The following CCSER1 variants were observed in gnomAD, a reference collection of about 807,000 sequenced individuals.
CCSER1 encodes the protein serine-rich coiled-coil domain-containing protein 1.
CCSER1 carries 41 observed loss-of-function variants against 82.0 expected under a neutral mutation model. That is an observed-to-expected ratio of 0.50 (90% CI 0.39 to 0.65). The LOEUF (loss-of-function observed/expected upper bound fraction) is 0.65, where lower values mean the gene tolerates loss of function less well. Ranked by LOEUF, CCSER1 falls within the 30% of genes least tolerant of loss-of-function variation. The probability of loss-of-function intolerance (pLI) is 0.00; values close to 1 mark genes in which losing one functional copy is unlikely to be tolerated. For synonymous variants in CCSER1, 414 were observed against 383.9 expected (o/e 1.08, Z -0.92); for missense variants, 1,119 against 1,064.2 (o/e 1.05, Z -0.72).
intron 6 of CCSER1, chr4:90,664,020 G>A (rs541646394): frequency 6.0e-6 from 1 of 167,036 alleles, no homozygotes; most frequent in South Asian, 1.2e-4. Flanking sequence ...TCTCTATTTA[G>A]TTAATAAGAA....
chr4:90,979,180 A>G (rs1735879385), intron 9 of CCSER1, among the ~76,000 whole-genome samples: 1 of 151,366 alleles, frequency 6.6e-6, no homozygotes, highest in African/African-American at 2.4e-5. Flanking sequence ...AGGTGTGTAT[A>G]TATGTATGTA....
chr4:91,588,252 GA>G lies in CCSER1; in HGVS notation c.2218-10312del, dbSNP rs543317863. Among the ~76,000 whole-genome samples the G allele has an allele frequency of 2.8e-3, 414 of 150,244 alleles. 1 individual carries two copies. The highest frequency in any genetic ancestry group is 9.6e-3 in the African/African-American group (394 of 41,134). The stretch of plus-strand genomic sequence containing the variant: ...CTTTGATAAAGCAGCTTTTCAAAAA[GA>G]AAAAAAATAGCCTTAGATTTTTTTT... On this transcript the variant is annotated intron_variant, in intron 10 of 10. Coordinates refer to ENST00000509176, the MANE Select transcript of CCSER1 (RefSeq NM_001145065.2).
intron 5 of CCSER1, among the ~76,000 whole-genome samples, chr4:90,554,241 G>A (rs1777860372): frequency 6.6e-6 from 1 of 152,140 alleles, no homozygotes; most frequent in African/African-American, 2.4e-5. Flanking sequence ...GTATATGCAT[G>A]TTGTCCTAGC....
chr4:91,138,767 G>A lies in CCSER1; in HGVS notation c.2217+52773G>A, dbSNP rs886858842. Among the ~76,000 whole-genome samples, 16 of 148,666 alleles carry A rather than the reference G, an allele frequency of 1.1e-4. 1 individual carries two copies. The East Asian group carries it at 2.2e-3, about 20-fold the overall frequency. ...AAAAAACAAACAACCCCATCAAAAAGTGGGCGAAGGACATGAACAGACACT... is the reference window on the plus strand; with the variant it reads ...AAAAAACAAACAACCCCATCAAAAAATGGGCGAAGGACATGAACAGACACT... On this transcript the variant is annotated intron_variant, in intron 10 of 10. Coordinates refer to ENST00000509176, the MANE Select transcript of CCSER1 (RefSeq NM_001145065.2).
At chr4:90,946,288 A>G (rs989835201) in intron 9 of CCSER1, among the ~76,000 whole-genome samples, 1 of 152,168 alleles carries the variant, frequency 6.6e-6, no homozygotes, top group Non-Finnish European at 1.5e-5. Context: ...TGACTTATGT[A>G]ATCTTAAAAA....
rs536260173 is a variant in CCSER1, at chr4:90,971,369, C to A, written c.2172+47922C>A. The stretch of plus-strand genomic sequence containing the variant: ...CAACCAGATCTCTTGAGAACTCACT[C>A]ACTATCACAAGAATAGCAAGGGAGA... On this transcript the variant is annotated intron_variant, in intron 9 of 10. Coordinates refer to ENST00000509176, the MANE Select transcript of CCSER1 (RefSeq NM_001145065.2). 2.6e-4 allele frequency among the ~76,000 whole-genome samples: 39 copies of A among 152,040 alleles called. No individual in the cohort carries two copies. In the South Asian group the frequency reaches 7.7e-3, roughly 30 times the overall value.
intron 6 of CCSER1, among the ~76,000 whole-genome samples, chr4:90,646,298 C>T (rs541542517): frequency 2.0e-4 from 31 of 151,950 alleles, no homozygotes; most frequent in Admixed American, 3.9e-4. Flanking sequence ...AAAGTGATAC[C>T]AGGATGCCTG....
At chr4:91,504,248 G>A (rs184893262) in intron 10 of CCSER1, among the ~76,000 whole-genome samples, 1 of 151,016 alleles carries the variant, frequency 6.6e-6, no homozygotes, top group African/African-American at 2.5e-5. Context: ...AGAGTCAAAA[G>A]AATTGTTGTA....
intron 8 of CCSER1, among the ~76,000 whole-genome samples, chr4:90,918,072 A>G (rs940980268): frequency 2.0e-5 from 3 of 152,048 alleles, no homozygotes; most frequent in Non-Finnish European, 4.4e-5. Flanking sequence ...CAAATTTTGG[A>G]TAGCAACCAA....
intron 9 of CCSER1, among the ~76,000 whole-genome samples, chr4:91,071,483 T>C (rs1464049274): frequency 6.6e-6 from 1 of 152,090 alleles, no homozygotes; most frequent in Non-Finnish European, 1.5e-5. Flanking sequence ...CAAAGGCCTA[T>C]GGTGGAAGAA....
intron 9 of CCSER1, among the ~76,000 whole-genome samples, chr4:90,959,338 T>C (rs973178038): frequency 1.4e-4 from 21 of 152,318 alleles, no homozygotes; most frequent in African/African-American, 4.6e-4. Context: ...TTCTATTTCT[T>C]GGCCACCTAC....
chr4:91,163,004 C>A (rs962951498), intron 10 of CCSER1, among the ~76,000 whole-genome samples: 3 of 152,144 alleles, frequency 2.0e-5, no homozygotes, highest in African/African-American at 4.8e-5. Context: ...TGCCTCTCTA[C>A]TTCTTTTTAT....
intron 5 of CCSER1, among the ~76,000 whole-genome samples, chr4:90,580,404 G>A (rs1463796447): frequency 1.3e-5 from 2 of 152,148 alleles, no homozygotes; most frequent in African/African-American, 4.8e-5. Context: ...TTTATGGGGA[G>A]TCATGTACTT....
Position 91,479,021 on chromosome 4 carries a change from T to C in CCSER1, c.2218-119551T>C, listed in dbSNP as rs561125376. Among the ~76,000 whole-genome samples the C allele has an allele frequency of 4.3e-4, 66 of 151,936 alleles. 1 individual carries two copies. In the South Asian group the frequency reaches 0.012, roughly 29 times the overall value. The stretch of plus-strand genomic sequence containing the variant: ...ACATACGTTTAATGTAGTAGCACAA[T>C]TGCAAATAGTATGTTTCACTATTCA... On this transcript the variant is annotated intron_variant, in intron 10 of 10. Coordinates refer to ENST00000509176, the MANE Select transcript of CCSER1 (RefSeq NM_001145065.2).
chr4:90,657,516 T>A (rs1056009152), intron 6 of CCSER1, among the ~76,000 whole-genome samples: 2 of 152,188 alleles, frequency 1.3e-5, no homozygotes, highest in Non-Finnish European at 2.9e-5. Context: ...TGCATATATT[T>A]TGATGTTACA....
intron 10 of CCSER1, among the ~76,000 whole-genome samples, chr4:91,130,342 C>G (rs2148907322): frequency 6.6e-6 from 1 of 151,952 alleles, no homozygotes; most frequent in Non-Finnish European, 1.5e-5. Context: ...TTTACATTAT[C>G]TTTCAATTTG....
intron 4 of CCSER1, among the ~76,000 whole-genome samples, chr4:90,402,280 T>G (rs1349159264): frequency 6.6e-6 from 1 of 152,224 alleles, no homozygotes; most frequent in Non-Finnish European, 1.5e-5. Flanking sequence ...TATACTTATC[T>G]GAAATATATA....
intron 10 of CCSER1, among the ~76,000 whole-genome samples, chr4:91,457,484 G>A (rs1226987957): frequency 6.6e-6 from 1 of 151,868 alleles, no homozygotes; most frequent in Non-Finnish European, 1.5e-5. Context: ...GGGCAACATA[G>A]CAAGACCCCA....
chr4:90,142,859 C>T (rs982671589), intron 1 of CCSER1, among the ~76,000 whole-genome samples: 2 of 151,992 alleles, frequency 1.3e-5, no homozygotes, highest in Admixed American at 1.3e-4. Context: ...TTATAAATTG[C>T]ATAGATTTTA....
Sources: gnomAD v4.1 joint callset for allele counts (sites outside exome capture counted in the v4.1 genomes callset) on GRCh38, gnomAD v4.1.1 for gene constraint, MANE v1.5 for transcripts, NCBI Gene and HGNC (gene_info 2026-07-23, HGNC 2026-07-21) for gene names.